The following GMEB2 variants were observed in gnomAD, a reference collection of about 807,000 sequenced individuals.
GMEB2 encodes the protein glucocorticoid modulatory element-binding protein 2.
Under a neutral mutation model 45.7 loss-of-function variants are expected in GMEB2, and 7 were observed. That is an observed-to-expected ratio of 0.15 (90% CI 0.09 to 0.29). The LOEUF is 0.29. Ranked by LOEUF, GMEB2 falls within the 10% of genes least tolerant of loss-of-function variation. GMEB2 has a pLI of 1.00. For missense variants in GMEB2, 582 were observed against 739.2 expected (o/e 0.79, Z 2.47); for synonymous variants, 322 against 323.6 (o/e 1.00, Z 0.05).
intron 9 of GMEB2, 122 bp from the exon 10 acceptor site, chr20:63,590,851 G>T: frequency 3.6e-6 from 2 of 554,892 alleles, no homozygotes; most frequent in Non-Finnish European, 6.0e-6. Flanking sequence ...ACCCAGGTCT[G>T]CTCACCTGAT....
chr20:63,611,829 G>C (rs542243690), intron 2 of GMEB2, among the ~76,000 whole-genome samples: 28 of 151,480 alleles, frequency 1.8e-4, no homozygotes, highest in African/African-American at 6.8e-4. Context: ...ACTAGCTTGG[G>C]CAACACAGTG....
chr20:63,606,179 G>C (rs2089517519), intron 2 of GMEB2, among the ~76,000 whole-genome samples: 1 of 151,990 alleles, frequency 6.6e-6, no homozygotes, highest in African/African-American at 2.4e-5. Flanking sequence ...AAGGGTAAAA[G>C]ATGAAACCAT....
At chr20:63,607,285 A>C (rs1406814475) in intron 2 of GMEB2, among the ~76,000 whole-genome samples, 6 of 138,808 alleles carry the variant, frequency 4.3e-5, no homozygotes, top group Admixed American at 1.4e-4. Flanking sequence ...CCATTTCTAG[A>C]AACATGCCCC....
intron 4 of GMEB2, among the ~76,000 whole-genome samples, chr20:63,602,192 G>A (rs1026582983): frequency 1.3e-5 from 2 of 152,258 alleles, no homozygotes; most frequent in Non-Finnish European, 2.9e-5. Context: ...ACTGCCAGCT[G>A]GGAGCCACTG....
At chr20:63,607,204 ACCTCC>A (rs1413614601) in intron 2 of GMEB2, among the ~76,000 whole-genome samples, 4 of 83,618 alleles carry the variant, frequency 4.8e-5, no homozygotes, top group African/African-American at 2.0e-4. Context: ...CCTCTGACCC[ACCTCC>A]ATTTCTAGAA....
chr20:63,591,282 C>G (rs1480840567), intron 9 of GMEB2, among the ~76,000 whole-genome samples: 2 of 152,096 alleles, frequency 1.3e-5, no homozygotes, highest in African/African-American at 4.8e-5. Flanking sequence ...ACACTGAACA[C>G]AGTGAACACA....
intron 3 of GMEB2, among the ~76,000 whole-genome samples, chr20:63,603,717 G>A (rs1022796858): frequency 1.3e-5 from 2 of 151,640 alleles, no homozygotes; most frequent in African/African-American, 2.4e-5. Context: ...ACTCCAGCCT[G>A]GGTGACAGAG....
chr20:63,606,195 T>A (rs1243181724), intron 2 of GMEB2, among the ~76,000 whole-genome samples: 2 of 151,746 alleles, frequency 1.3e-5, no homozygotes, highest in Non-Finnish European at 2.9e-5. Flanking sequence ...ACCATAAAAG[T>A]ATTAGAAGGA....
chr20:63,611,362 C>T (rs1024138069), intron 2 of GMEB2, among the ~76,000 whole-genome samples: 1 of 152,224 alleles, frequency 6.6e-6, no homozygotes, highest in African/African-American at 2.4e-5. Flanking sequence ...CCTATAATCC[C>T]AGCACTTTGG....
Position 63,590,282 on chromosome 20 carries a change from G to A in GMEB2, c.1400C>T (p.Thr467Met), listed in dbSNP as rs754427496. Residue 467 changes from threonine (T) to methionine (M), a missense_variant, in exon 10 of 10, where the codon ACG (threonine) becomes ATG (methionine). Transcript: ENST00000370077. ...LSTAAVQDGS[T>M]VFKVVSPLQL... Reference sequence around the variant, plus strand: ...TAGCGGGCTGACCACCTTGAACACCGTGCTACCGTCCTGCACGGCGGCCGT... The same window carrying A: ...TAGCGGGCTGACCACCTTGAACACCATGCTACCGTCCTGCACGGCGGCCGT... 23 of 1,612,638 alleles carry A rather than the reference G, an allele frequency of 1.4e-5. No individual in the cohort carries two copies. Among genetic ancestry groups the A allele is most frequent in the East Asian group, 2.2e-5 (1 of 44,886 alleles).
intron 2 of GMEB2, among the ~76,000 whole-genome samples, chr20:63,613,645 A>G (rs966854608): frequency 1.3e-5 from 2 of 149,694 alleles, no homozygotes; most frequent in Admixed American, 1.3e-4. Context: ...GCAGCCTCCC[A>G]ACTGGATTAC....
chr20:63,611,281 G>A (rs1270571123), intron 2 of GMEB2, among the ~76,000 whole-genome samples: 2 of 152,242 alleles, frequency 1.3e-5, no homozygotes, highest in Admixed American at 1.3e-4. Flanking sequence ...ATGAGGCAGA[G>A]GAAACCTTGG....
In GMEB2 at chr20:63,589,517, G is replaced by A. The variant is rs1017709971; in HGVS notation, c.*572C>T. On this transcript the variant is annotated 3_prime_UTR_variant, in exon 10 of 10. Transcript: ENST00000370077. ...AGGATCTGCACCCCAAGCTCCGGGT[G>A]CATGTTCCCAACTGGAGGAGAACGG... is the stretch of plus-strand genomic sequence containing the variant. 13 of 257,150 alleles carry A rather than the reference G, an allele frequency of 5.1e-5. No individual in the cohort carries two copies. Among genetic ancestry groups the A allele is most frequent in the Non-Finnish European group, 9.5e-5 (13 of 136,800 alleles). 15.9% of individuals were successfully genotyped at this position (257,150 alleles called of 1,614,324 possible).
chr20:63,623,403 C>T (rs1034125704), intron 1 of GMEB2, among the ~76,000 whole-genome samples: 19 of 152,148 alleles, frequency 1.2e-4, no homozygotes, highest in African/African-American at 1.2e-4. Context: ...TTTACACTGG[C>T]GGAATTACTT....
At chr20:63,595,810 G>A in intron 5 of GMEB2, 43 bp from the exon 6 acceptor site, 1 of 1,600,496 alleles carries the variant, frequency 6.2e-7, no homozygotes, top group Admixed American at 1.7e-5. Flanking sequence ...CGGCCCCAGA[G>A]CCGAAGGCAC....
chr20:63,590,317 C>G lies in GMEB2; in HGVS notation c.1365G>C (p.Thr455=), dbSNP rs556560125. Reference sequence around the variant, plus strand: ...CCTGCACGGCGGCCGTGCTCAGGACCGTGAGGCTGGACGCGTCCGGGTGGA... The same window carrying G: ...CCTGCACGGCGGCCGTGCTCAGGACGGTGAGGCTGGACGCGTCCGGGTGGA... ...VEIHPDASSL[T]VLSTAAVQDG... is the part of the protein sequence containing the mutation. Residue 455 remains threonine, a synonymous_variant, in exon 10 of 10, where the codon ACG becomes ACC. Coordinates refer to ENST00000370077, the MANE Select transcript of GMEB2 (RefSeq NM_012384.5). The G allele has an allele frequency of 3.7e-6, 6 of 1,612,420 alleles. No individual in the cohort carries two copies. The highest frequency in any genetic ancestry group is 3.3e-5 in the Admixed American group (2 of 59,980).
intron 1 of GMEB2, among the ~76,000 whole-genome samples, chr20:63,623,751 T>A (rs111427796): frequency 5.3e-5 from 8 of 151,190 alleles, no homozygotes; most frequent in African/African-American, 1.9e-4. Context: ...TGAGCCAAGA[T>A]CATGCCACTG....
intron 2 of GMEB2, among the ~76,000 whole-genome samples, chr20:63,609,950 C>T (rs73622842): frequency 4.0e-5 from 6 of 151,218 alleles, no homozygotes; most frequent in African/African-American, 1.5e-4. Flanking sequence ...TAGAAACATG[C>T]CCCTCTGACC....
chr20:63,601,671 G>C (rs753726856), intron 4 of GMEB2, among the ~76,000 whole-genome samples: 3 of 151,996 alleles, frequency 2.0e-5, no homozygotes, highest in Non-Finnish European at 2.9e-5. Flanking sequence ...CATGGCACCC[G>C]GCCTCTTTTA....
Sources: allele counts gnomAD v4.1 joint callset (sites outside exome capture counted in the v4.1 genomes callset), GRCh38; gene constraint gnomAD v4.1.1; transcripts MANE v1.5; gene names NCBI Gene and HGNC (gene_info 2026-07-23, HGNC 2026-07-21).